Variants in KCND2 observed in about 807,000 individuals in gnomAD.
KCND2 encodes the protein A-type voltage-gated potassium channel KCND2.
In KCND2, 16 loss-of-function variants were observed where a neutral mutation model predicts 54.4. The ratio of observed to expected loss-of-function variants is 0.29; its 90% CI spans 0.20 to 0.45. The LOEUF (loss-of-function observed/expected upper bound fraction) is 0.45. Ranked by LOEUF, KCND2 falls within the 20% of genes least tolerant of loss-of-function variation. The pLI, the probability that KCND2 is intolerant of heterozygous loss-of-function variation, is 1.00. For synonymous variants in KCND2, 317 were observed against 310.7 expected (o/e 1.02, Z -0.21); for missense variants, 486 against 824.2 (o/e 0.59, Z 5.02).
chr7:120,654,849 T>A (rs568327541), intron 1 of KCND2, among the ~76,000 whole-genome samples: 1 of 152,108 alleles, frequency 6.6e-6, no homozygotes, highest in Non-Finnish European at 1.5e-5. Flanking sequence ...CACACATACA[T>A]TCATATGGAT....
At position 120,594,549 on chromosome 7, in the gene KCND2, C is replaced by T. The variant is rs1792710017; in HGVS notation, c.1116-138354C>T. ...TTGACCTAAATTACTGCCCAAAAGC[C>T]TCATCTATTTCAACGTGTGAATTTT... On this transcript the variant is annotated intron_variant, in intron 1 of 5. Transcript: ENST00000331113. Among the ~76,000 whole-genome samples the T allele has an allele frequency of 2.6e-5, 4 of 152,314 alleles. No homozygotes were observed. The South Asian group carries it at 8.3e-4, about 32-fold the overall frequency.
intron 1 of KCND2, among the ~76,000 whole-genome samples, chr7:120,463,404 T>TTTTTTTTTTTTTTTTTTTTTTGAG (rs1177749551): frequency 1.3e-5 from 2 of 151,704 alleles, no homozygotes; most frequent in African/African-American, 4.8e-5. Context: ...ATTAAATTTT[T>TTTTTTTTTTTTTTTTTTTTTTGAG]ATTCATTAAC....
chr7:120,714,856 GTA>G (rs58668446), intron 1 of KCND2, among the ~76,000 whole-genome samples: 13 of 149,046 alleles, frequency 8.7e-5, no homozygotes, highest in Admixed American at 1.3e-4. Flanking sequence ...GTTGTATCGG[GTA>G]TATATATATA....
At chr7:120,506,303 G>A (rs1803017775) in intron 1 of KCND2, among the ~76,000 whole-genome samples, 1 of 151,786 alleles carries the variant, frequency 6.6e-6, no homozygotes, top group East Asian at 1.9e-4. Context: ...GCAGCATATA[G>A]CCAAAGACAG....
chr7:120,472,048 C>T (rs910284833), intron 1 of KCND2, among the ~76,000 whole-genome samples: 3 of 151,658 alleles, frequency 2.0e-5, no homozygotes, highest in Non-Finnish European at 4.4e-5. Flanking sequence ...AAACCAGATT[C>T]TGGAAGATGA....
intron 1 of KCND2, among the ~76,000 whole-genome samples, chr7:120,417,284 G>A (rs150851218): frequency 6.6e-6 from 1 of 152,252 alleles, no homozygotes; most frequent in East Asian, 1.9e-4. Context: ...GCAAGAAAAA[G>A]TTTAGTCTGT....
chr7:120,473,812 C>T (rs1802495371), intron 1 of KCND2, among the ~76,000 whole-genome samples: 1 of 152,112 alleles, frequency 6.6e-6, no homozygotes, highest in Admixed American at 6.5e-5. Context: ...GATATTCTTC[C>T]CTAACCTAGC....
intron 1 of KCND2, among the ~76,000 whole-genome samples, chr7:120,423,347 A>C (rs974268834): frequency 7.9e-5 from 12 of 152,214 alleles, no homozygotes; most frequent in African/African-American, 2.7e-4. Context: ...AGGTGAATAC[A>C]ATTTATTCAT....
At chr7:120,450,722 GA>G (rs754678040) in intron 1 of KCND2, among the ~76,000 whole-genome samples, 8 of 152,278 alleles carry the variant, frequency 5.3e-5, no homozygotes, top group Non-Finnish European at 8.8e-5. Flanking sequence ...ACATTTAAAG[GA>G]GTAGGCTTTA....
chr7:120,297,887 A>C (rs142799386), intron 1 of KCND2, among the ~76,000 whole-genome samples: 36 of 152,244 alleles, frequency 2.4e-4, no homozygotes, highest in Admixed American at 5.9e-4. Flanking sequence ...AACTGTGTTA[A>C]TGCCTGAAAA....
rs190336276 is a variant in KCND2 at position 120,440,389 on chromosome 7, C to T, written c.1115+164642C>T. ...GTTCCTTATGTATTCTGGAAATTAA[C>T]CCTTTGTCAGATGCATAGGTTGCAA... On this transcript the variant is annotated intron_variant, in intron 1 of 5. Coordinates refer to ENST00000331113, the MANE Select transcript of KCND2 (RefSeq NM_012281.3). Among the ~76,000 whole-genome samples, 448 of 152,000 alleles carry T rather than the reference C, an allele frequency of 2.9e-3. 1 individual carries two copies. Among genetic ancestry groups the T allele is most frequent in the Middle Eastern group, 0.027 (8 of 294 alleles).
rs984953939 is a variant in KCND2 at position 120,748,918 on chromosome 7, A to G, written c.*1060A>G. 5.9e-5 allele frequency: 9 copies of G among 152,052 alleles called. No homozygotes were observed. Among genetic ancestry groups the G allele is most frequent in the Admixed American group, 2.0e-4 (3 of 15,240 alleles). The allele number at this position is 152,052 out of a possible 1,614,324, so 9.4% of individuals were successfully genotyped here. On this transcript the variant is annotated 3_prime_UTR_variant, in exon 6 of 6. Transcript: ENST00000331113. The stretch of plus-strand genomic sequence containing the variant: ...TCCTACTTTTGTATTTCCAAAAAAA[A>G]TTATCTTGTAAGTAGCTTGTCATCA...
intron 1 of KCND2, among the ~76,000 whole-genome samples, chr7:120,424,534 C>A (rs188448228): frequency 6.6e-6 from 1 of 152,130 alleles, no homozygotes. Flanking sequence ...TGTTAAAGGT[C>A]GTAAACCTAG....
At chr7:120,578,075 G>A (rs1051631158) in intron 1 of KCND2, among the ~76,000 whole-genome samples, 18 of 151,944 alleles carry the variant, frequency 1.2e-4, no homozygotes, top group Middle Eastern at 3.4e-3. Flanking sequence ...ACAAGAAGGA[G>A]AAGGAGAAGG....
chr7:120,341,698 T>C (rs562700730), intron 1 of KCND2, among the ~76,000 whole-genome samples: 1 of 152,236 alleles, frequency 6.6e-6, no homozygotes, highest in Non-Finnish European at 1.5e-5. Flanking sequence ...GAAAGAAGAT[T>C]AAGGAATTAA....
At chr7:120,316,532 T>C (rs1799814918) in intron 1 of KCND2, among the ~76,000 whole-genome samples, 1 of 152,240 alleles carries the variant, frequency 6.6e-6, no homozygotes, top group African/African-American at 2.4e-5. Context: ...TGTTTCTATG[T>C]GTAAAAGTTT....
chr7:120,501,407 AT>A (rs1802930418), intron 1 of KCND2, among the ~76,000 whole-genome samples: 1 of 152,104 alleles, frequency 6.6e-6, no homozygotes, highest in African/African-American at 2.4e-5. Context: ...ATGAGTTGTG[AT>A]TGAGGTTCCT....
At chr7:120,460,190 T>G (rs1328809561) in intron 1 of KCND2, among the ~76,000 whole-genome samples, 2 of 152,098 alleles carry the variant, frequency 1.3e-5, no homozygotes, top group Non-Finnish European at 2.9e-5. Flanking sequence ...GAGCTCCCCT[T>G]AGACAGTGTT....
intron 1 of KCND2, among the ~76,000 whole-genome samples, chr7:120,439,396 A>T (rs1271225563): frequency 6.6e-6 from 1 of 152,090 alleles, no homozygotes. Context: ...AAATAATTGC[A>T]CATATTTATG....
Sources: allele counts gnomAD v4.1 joint callset (sites outside exome capture counted in the v4.1 genomes callset), GRCh38; gene constraint gnomAD v4.1.1; transcripts MANE v1.5; gene names NCBI Gene and HGNC (gene_info 2026-07-23, HGNC 2026-07-21).